NSUN6: variants seen among roughly 807,000 people sequenced by gnomAD.
NSUN6 encodes the protein tRNA (cytosine(72)-C(5))-methyltransferase NSUN6.
NSUN6 carries 64 observed loss-of-function variants against 58.0 expected under a neutral mutation model. The observed-to-expected ratio is 1.10, with a 90% CI of 0.90 to 1.36. The LOEUF is 1.36. Ranked by LOEUF, NSUN6 falls within the 40% of genes most tolerant of loss-of-function variation. The pLI is 0.00. For missense variants in NSUN6, 701 were observed against 550.1 expected (o/e 1.27, Z -2.74); for synonymous variants, 231 against 193.9 (o/e 1.19, Z -1.59).
At chr10:18,608,951 G>A (rs959987848) in intron 6 of NSUN6, among the ~76,000 whole-genome samples, 10 of 152,096 alleles carry the variant, frequency 6.6e-5, no homozygotes, top group African/African-American at 2.2e-4. Context: ...AATAATAAAC[G>A]TCCGTTGTTC....
chr10:18,613,430 T>A (rs1286737771), intron 5 of NSUN6, among the ~76,000 whole-genome samples: 1 of 151,988 alleles, frequency 6.6e-6, no homozygotes, highest in Non-Finnish European at 1.5e-5. Flanking sequence ...CCTCCTAACT[T>A]CCACCAACAA....
intron 6 of NSUN6, among the ~76,000 whole-genome samples, chr10:18,606,602 A>C (rs1329709434): frequency 6.6e-6 from 1 of 152,224 alleles, no homozygotes; most frequent in Non-Finnish European, 1.5e-5. Flanking sequence ...GCTGTATCAA[A>C]TGTACCATGG....
At chr10:18,638,926 T>C (rs2059305781) in intron 3 of NSUN6, among the ~76,000 whole-genome samples, 1 of 135,940 alleles carries the variant, frequency 7.4e-6, no homozygotes, top group Admixed American at 7.8e-5. Context: ...GAAATAACAA[T>C]GTTATAAAGC....
chr10:18,658,688 A>G (rs2059804770), upstream of NSUN6: 3 of 981,446 alleles, frequency 3.1e-6, no homozygotes, highest in Non-Finnish European at 3.6e-6. Flanking sequence ...TCGTCTCCCA[A>G]TCAATTCTTT....
intron 8 of NSUN6, among the ~76,000 whole-genome samples, chr10:18,582,751 T>C (rs1390233687): frequency 6.6e-6 from 1 of 152,122 alleles, no homozygotes; most frequent in Admixed American, 6.5e-5. Context: ...AAGTGAGCCC[T>C]GCGAAAACTA....
chr10:18,606,393 T>C (rs61840846), intron 6 of NSUN6, among the ~76,000 whole-genome samples: 121,757 of 151,748 alleles, frequency 0.8, 48,973 homozygotes, highest in East Asian at 0.98. Flanking sequence ...GGCAAGATAG[T>C]TATCGCAGGC....
Position 18,635,352 on chromosome 10 carries a change from G to A in NSUN6, c.311+7124C>T, listed in dbSNP as rs184787554. 4.2e-4 allele frequency among the ~76,000 whole-genome samples: 64 copies of A among 152,256 alleles called. 1 individual carries two copies. Among genetic ancestry groups the A allele is most frequent in the African/African-American group, 1.5e-3 (63 of 41,540 alleles). ...AGTGTGACTGTATGATAGGTTCTGT[G>A]AGTCTTAGCCAATCACTAAACCTGA... On this transcript the variant is annotated intron_variant, in intron 3 of 10. Transcript: ENST00000377304.
At chr10:18,576,458 A>T (rs2056652197) in intron 8 of NSUN6, among the ~76,000 whole-genome samples, 1 of 152,134 alleles carries the variant, frequency 6.6e-6, no homozygotes, top group Non-Finnish European at 1.5e-5. Context: ...CATTCTGTGG[A>T]CCACTAAAGA....
chr10:18,596,726 C>CA (rs1247041385), intron 6 of NSUN6, among the ~76,000 whole-genome samples: 1 of 152,046 alleles, frequency 6.6e-6, no homozygotes, highest in African/African-American at 2.4e-5. Flanking sequence ...ACTTTTTTCC[C>CA]AAAAAATGTA....
chr10:18,590,804 G>A (rs1197097315), intron 7 of NSUN6, among the ~76,000 whole-genome samples: 3 of 152,092 alleles, frequency 2.0e-5, no homozygotes, highest in Non-Finnish European at 4.4e-5. Flanking sequence ...TCATCAAGCT[G>A]GAAAGATCTG....
intron 8 of NSUN6, among the ~76,000 whole-genome samples, chr10:18,558,838 G>T (rs1471982769): frequency 1.3e-5 from 2 of 151,388 alleles, no homozygotes; most frequent in African/African-American, 4.9e-5. Context: ...AAATGGAAAA[G>T]AATGGAATGG....
rs147176002 is a variant in NSUN6, at chr10:18,565,146, T to C, written c.923-13175A>G. ...CCATTCTATTCCATTCTCCATTGCA[T>C]ACCATTCTCCATTTCATTCCCTTTC... On this transcript the variant is annotated intron_variant, in intron 8 of 10. Coordinates refer to ENST00000377304, the MANE Select transcript of NSUN6 (RefSeq NM_182543.5). Among the ~76,000 whole-genome samples, 388 of 151,546 alleles carry C rather than the reference T, an allele frequency of 2.6e-3. 2 individuals are homozygous for C. The highest frequency in any genetic ancestry group is 3.9e-3 in the Non-Finnish European group (267 of 67,674).
intron 3 of NSUN6, among the ~76,000 whole-genome samples, chr10:18,627,567 G>C (rs2058857740): frequency 6.6e-6 from 1 of 152,214 alleles, no homozygotes; most frequent in Admixed American, 6.5e-5. Context: ...CCGTGCCCGA[G>C]CCAAAGCAGG....
intron 8 of NSUN6, 65 bp downstream of exon 8, chr10:18,585,884 C>T: frequency 8.1e-7 from 1 of 1,236,662 alleles, no homozygotes; most frequent in African/African-American, 1.5e-5. Flanking sequence ...CATGTCAAAA[C>T]ATCACACTGT....
intron 8 of NSUN6, among the ~76,000 whole-genome samples, chr10:18,583,797 A>C (rs1370013772): frequency 3.9e-5 from 6 of 152,238 alleles, no homozygotes; most frequent in Non-Finnish European, 1.5e-5. Flanking sequence ...ACTTGAAGAC[A>C]GATGAATATA....
chr10:18,589,556 T>C (rs1412271917), intron 7 of NSUN6, among the ~76,000 whole-genome samples: 1 of 152,232 alleles, frequency 6.6e-6, no homozygotes, highest in Non-Finnish European at 1.5e-5. Context: ...TAACAGCAGA[T>C]GTCTCTGCAG....
chr10:18,639,744 A>G (rs2059335936), intron 3 of NSUN6, among the ~76,000 whole-genome samples: 1 of 152,236 alleles, frequency 6.6e-6, no homozygotes, highest in Non-Finnish European at 1.5e-5. Flanking sequence ...AGTATTGAAA[A>G]TAATTAAAGT....
At position 18,545,847 on chromosome 10, in the gene NSUN6, T is replaced by G; in HGVS notation, c.*86A>C. 1 of 755,454 alleles carries G rather than the reference T, an allele frequency of 1.3e-6. No homozygotes were observed. The highest frequency in any genetic ancestry group is 2.2e-6 in the Non-Finnish European group (1 of 454,854). The allele number at this position is 755,454 out of a possible 1,614,324, so 46.8% of individuals were successfully genotyped here. On this transcript the variant is annotated 3_prime_UTR_variant, in exon 11 of 11. Transcript: ENST00000377304. The stretch of plus-strand genomic sequence containing the variant: ...CCATAGCAACCACATCATCATTCAG[T>G]TGGCCTGACAACACTTTGGTTAAAA...
chr10:18,559,062 T>G (rs549069166), intron 8 of NSUN6, among the ~76,000 whole-genome samples: 1 of 148,146 alleles, frequency 6.8e-6, no homozygotes, highest in East Asian at 2.0e-4. Flanking sequence ...GAGGATGGTA[T>G]GGAGAATGGA....
Sources: gnomAD v4.1 joint callset for allele counts (sites outside exome capture counted in the v4.1 genomes callset) on GRCh38, gnomAD v4.1.1 for gene constraint, MANE v1.5 for transcripts, NCBI Gene and HGNC (gene_info 2026-07-23, HGNC 2026-07-21) for gene names.